Variants in TNIP1 observed in about 807,000 individuals in gnomAD.
TNIP1 encodes TNFAIP3 interacting protein 1.
TNIP1 carries 22 observed loss-of-function variants against 86.6 expected under a neutral mutation model. That is an observed-to-expected ratio of 0.25 (90% confidence interval 0.18 to 0.36). The LOEUF is 0.36. TNIP1 is among the 10% of genes least tolerant of loss of function. TNIP1 has a pLI of 1.00. For synonymous variants in TNIP1, 294 were observed against 313.0 expected (o/e 0.94, Z 0.64); for missense variants, 709 against 820.6 (o/e 0.86, Z 1.66).
intron 13 of TNIP1, among the ~76,000 whole-genome samples, chr5:151,036,343 A>G (rs1757700198): frequency 6.6e-6 from 1 of 152,198 alleles, no homozygotes; most frequent in Non-Finnish European, 1.5e-5. Context: ...TCTCCTTTAA[A>G]TAAAGGAGAA....
intron 13 of TNIP1, 122 bp downstream of exon 13, chr5:151,036,668 C>A (rs1757744487): frequency 4.1e-6 from 6 of 1,480,978 alleles, no homozygotes; most frequent in Non-Finnish European, 5.5e-6. Flanking sequence ...GGGGCCCTGG[C>A]CAATGGCCAG....
At chr5:151,057,219 CAGTA>C (rs1273574462) in intron 5 of TNIP1, among the ~76,000 whole-genome samples, 2 of 152,248 alleles carry the variant, frequency 1.3e-5, no homozygotes, top group African/African-American at 2.4e-5. Context: ...GAGTGCCTGA[CAGTA>C]AGTCACTTGT....
At chr5:151,060,944 G>C (rs926364063) in intron 4 of TNIP1, among the ~76,000 whole-genome samples, 2 of 152,222 alleles carry the variant, frequency 1.3e-5, no homozygotes, top group African/African-American at 4.8e-5. Flanking sequence ...CACCAAGCAT[G>C]TCCTGTGCTG....
At chr5:151,052,390 C>T (rs1581807458) in intron 6 of TNIP1, 131 bp from the exon 7 acceptor site, 1 of 715,442 alleles carries the variant, frequency 1.4e-6, no homozygotes, top group Non-Finnish European at 2.3e-6. Flanking sequence ...CCTGGCCTCA[C>T]CCCATCCCTC....
chr5:151,053,049 A>ATGTGGC (rs956345584), intron 6 of TNIP1, among the ~76,000 whole-genome samples: 6 of 151,196 alleles, frequency 4.0e-5, no homozygotes, highest in Non-Finnish European at 8.8e-5. Context: ...CGCCCTCACA[A>ATGTGGC]TGTGGCTGTG....
intron 9 of TNIP1, among the ~76,000 whole-genome samples, chr5:151,043,518 T>TA (rs1217384787): frequency 1.3e-5 from 2 of 152,238 alleles, no homozygotes; most frequent in African/African-American, 4.8e-5. Flanking sequence ...CTCATGCCTA[T>TA]AATTCCAGCA....
intron 1 of TNIP1, among the ~76,000 whole-genome samples, chr5:151,067,367 T>C (rs1220637305): frequency 6.6e-6 from 1 of 152,240 alleles, no homozygotes; most frequent in Non-Finnish European, 1.5e-5. Flanking sequence ...GGTGCGGGCA[T>C]TGCCCATCTG....
intron 3 of TNIP1, among the ~76,000 whole-genome samples, chr5:151,062,860 C>T (rs1348954281): frequency 6.6e-6 from 1 of 152,234 alleles, no homozygotes; most frequent in Non-Finnish European, 1.5e-5. Flanking sequence ...GTCCATTCAG[C>T]AAATGCAACC....
chr5:151,084,595 T>C (rs914861547), upstream of TNIP1, among the ~76,000 whole-genome samples: 9 of 152,158 alleles, frequency 5.9e-5, no homozygotes, highest in Non-Finnish European at 1.2e-4. Context: ...CAAGTATCCT[T>C]CTCCCAGCAC....
In TNIP1 at chr5:151,042,654, C is replaced by T. The variant is rs748484664; in HGVS notation, c.1020G>A (p.Gln340=). Residue 340 remains glutamine (Q), a synonymous_variant, in exon 11 of 18, where the codon CAG becomes CAA. Transcript: ENST00000521591. ...QYEQKITELR[Q]KLADLQKQVT... Reference sequence around the variant, plus strand: ...CCTGCTTCTGCAAATCAGCCAGCTTCTGACGCAGCTCAGTGATCTGGGTTC... The same window carrying T: ...CCTGCTTCTGCAAATCAGCCAGCTTTTGACGCAGCTCAGTGATCTGGGTTC... The T allele has an allele frequency of 1.2e-6, 2 of 1,613,994 alleles. No homozygotes were observed. The highest frequency in any genetic ancestry group is 2.2e-5 in the South Asian group (2 of 91,088).
At chr5:151,034,645 TG>T in intron 15 of TNIP1, 1 of 311,746 alleles carries the variant, frequency 3.2e-6, no homozygotes, top group Non-Finnish European at 5.9e-6. Flanking sequence ...AGGCTGGGCA[TG>T]GGCACAAAAG....
chr5:151,070,828 A>G (rs1762743503), intron 1 of TNIP1, among the ~76,000 whole-genome samples: 1 of 152,092 alleles, frequency 6.6e-6, no homozygotes, highest in African/African-American at 2.4e-5. Flanking sequence ...AGGCAGTGAA[A>G]CTACTCTGTT....
rs575933975 is a variant in TNIP1, at chr5:151,077,657, G to A, written c.-37+3223C>T. On this transcript the variant is annotated intron_variant, in intron 1 of 17. Coordinates refer to ENST00000521591, the MANE Select transcript of TNIP1 (RefSeq NM_006058.5). ...ACCAGGGGTGCTCAAGGAGCAGCCC[G>A]GACCAGCGGCACTGGCACCACCACC... Among the ~76,000 whole-genome samples the A allele has an allele frequency of 1.8e-4, 28 of 152,272 alleles. No homozygotes were observed. The Middle Eastern group carries it at 0.01, about 55-fold the overall frequency.
intron 1 of TNIP1, among the ~76,000 whole-genome samples, chr5:151,086,432 G>A (rs1435142077): frequency 1.3e-5 from 2 of 152,144 alleles, no homozygotes; most frequent in Admixed American, 1.3e-4. Context: ...AGAAGCAAGA[G>A]ATCCTTTTGC....
chr5:151,038,357 C>G (rs1206490715), intron 12 of TNIP1, among the ~76,000 whole-genome samples: 1 of 152,198 alleles, frequency 6.6e-6, no homozygotes. Context: ...TGTTTCCTTT[C>G]AAAGCTCCCT....
At chr5:151,087,385 G>C (rs949915830), upstream of TNIP1, among the ~76,000 whole-genome samples, 1 of 152,160 alleles carries the variant, frequency 6.6e-6, no homozygotes, top group Non-Finnish European at 1.5e-5. Flanking sequence ...GGGATCTGGG[G>C]AGAAGAGTTG....
chr5:151,071,088 C>T (rs1762775876), intron 1 of TNIP1, among the ~76,000 whole-genome samples: 1 of 152,026 alleles, frequency 6.6e-6, no homozygotes, highest in African/African-American at 2.4e-5. Flanking sequence ...TTGCTGTGAA[C>T]CTAAAACTGC....
At chr5:151,033,563 C>A in intron 16 of TNIP1, 45 bp downstream of exon 16, 1 of 1,284,028 alleles carries the variant, frequency 7.8e-7, no homozygotes, top group Non-Finnish European at 1.1e-6. Context: ...GTGTCTGGGG[C>A]AGCCTCTGTG....
chr5:151,040,350 C>T (rs991861536), intron 11 of TNIP1, among the ~76,000 whole-genome samples: 19 of 152,270 alleles, frequency 1.2e-4, no homozygotes, highest in African/African-American at 3.9e-4. Context: ...AGAGACCAGT[C>T]GCAGGGGTTA....
Sources: allele counts gnomAD v4.1 joint callset (sites outside exome capture counted in the v4.1 genomes callset), GRCh38; gene constraint gnomAD v4.1.1; transcripts MANE v1.5; gene names NCBI Gene and HGNC (gene_info 2026-07-23, HGNC 2026-07-21).